PCDH15: variants seen among roughly 807,000 people sequenced by gnomAD.
The protein encoded by PCDH15 is protocadherin-15.
PCDH15 carries 129 observed loss-of-function variants against 178.5 expected under a neutral mutation model. The observed-to-expected ratio is 0.72, with a 90% confidence interval of 0.63 to 0.84. The LOEUF (loss-of-function observed/expected upper bound fraction) is 0.84, where lower values mean the gene tolerates loss of function less well. PCDH15 is among the 40% of genes least tolerant of loss of function. The pLI, the probability that PCDH15 is intolerant of heterozygous loss-of-function variation, is 0.00. For missense variants in PCDH15, 2,230 were observed against 2,099.9 expected, an observed-to-expected ratio of 1.06 and a Z score of -1.21; for synonymous variants, 800 against 732.0, an observed-to-expected ratio of 1.09 and a Z score of -1.50.
At chr10:55,157,133 C>G (rs1838911527) in intron 2 of PCDH15, among the ~76,000 whole-genome samples, 2 of 152,052 alleles carry the variant, frequency 1.3e-5, no homozygotes, top group Non-Finnish European at 2.9e-5. Flanking sequence ...CTATATCTAT[C>G]TATCTATCTA....
intron 3 of PCDH15, among the ~76,000 whole-genome samples, chr10:54,428,980 G>C (rs10825328): frequency 2.0e-5 from 3 of 151,942 alleles, no homozygotes; most frequent in Admixed American, 6.6e-5. Flanking sequence ...AATTATCTGA[G>C]GATACAAACC....
intron 3 of PCDH15, among the ~76,000 whole-genome samples, chr10:54,447,399 C>A (rs2076208548): frequency 6.6e-6 from 1 of 151,770 alleles, no homozygotes. Flanking sequence ...TTCCCCCATG[C>A]CCTAGCTTCT....
At chr10:54,947,917 G>T (rs1237258334) in intron 2 of PCDH15, among the ~76,000 whole-genome samples, 1 of 151,860 alleles carries the variant, frequency 6.6e-6, no homozygotes, top group African/African-American at 2.4e-5. Flanking sequence ...ATGAACATGA[G>T]AAATTCCCAT....
intron 2 of PCDH15, among the ~76,000 whole-genome samples, chr10:55,558,207 T>C (rs1315135436): frequency 6.6e-6 from 1 of 152,140 alleles, no homozygotes; most frequent in Non-Finnish European, 1.5e-5. Context: ...CTGCTTATTA[T>C]ATATTCTGAC....
At chr10:54,141,473 A>G (rs1179881405) in intron 14 of PCDH15, among the ~76,000 whole-genome samples, 1 of 152,202 alleles carries the variant, frequency 6.6e-6, no homozygotes, top group African/African-American at 2.4e-5. Context: ...GTTTATTTCC[A>G]ATGTAATTCA....
chr10:54,440,939 C>G (rs1330092623), intron 3 of PCDH15, among the ~76,000 whole-genome samples: 2 of 151,932 alleles, frequency 1.3e-5, no homozygotes, highest in African/African-American at 2.4e-5. Context: ...TTATTTTAAC[C>G]TTTGATGACT....
intron 1 of PCDH15, among the ~76,000 whole-genome samples, chr10:54,724,474 C>A (rs1302222553): frequency 6.6e-6 from 1 of 151,208 alleles, no homozygotes; most frequent in Non-Finnish European, 1.5e-5. Flanking sequence ...CAGTCCCTAA[C>A]CAATATACAA....
chr10:54,380,715 T>TGCTCCATATATATATGCTCC (rs10686924), intron 3 of PCDH15, among the ~76,000 whole-genome samples: 3 of 54,820 alleles, frequency 5.5e-5, no homozygotes, highest in Non-Finnish European at 8.3e-5. Context: ...CATATATATA[T>TGCTCCATATATATATGCTCC]ATATATATAT....
intron 3 of PCDH15, among the ~76,000 whole-genome samples, chr10:54,466,591 C>G (rs1004178444): frequency 2.6e-5 from 4 of 151,764 alleles, no homozygotes; most frequent in African/African-American, 9.7e-5. Flanking sequence ...CTTGTAATAT[C>G]TTTTGAAGTC....
rs562315596 is a variant in PCDH15 at position 54,951,946 on chromosome 10, C to T, written c.-79-54446G>A. Among the ~76,000 whole-genome samples, 12 of 151,806 alleles carry T rather than the reference C, an allele frequency of 7.9e-5. No homozygotes were observed. The South Asian group carries it at 2.3e-3, about 29-fold the overall frequency. The stretch of plus-strand genomic sequence containing the variant: ...TATTTATATATTTGGAATCCAATAC[C>T]TCTATCAGATAATTATGTTGAAAAT... On this transcript the variant is annotated intron_variant, in intron 2 of 5. Coordinates refer to the PCDH15 transcript ENST00000458638.
At chr10:54,931,824 T>C (rs1837785495) in intron 2 of PCDH15, among the ~76,000 whole-genome samples, 2 of 152,194 alleles carry the variant, frequency 1.3e-5, no homozygotes, top group South Asian at 2.1e-4. Flanking sequence ...TTCATGTCTT[T>C]TGTTTCATTT....
At chr10:54,174,550 G>C (rs2133679214) in intron 13 of PCDH15, among the ~76,000 whole-genome samples, 1 of 151,754 alleles carries the variant, frequency 6.6e-6, no homozygotes, top group South Asian at 2.1e-4. Context: ...AAAACAGGTA[G>C]ATGCATTAAA....
chr10:54,022,811 AC>A, intron 19 of PCDH15, 80 bp downstream of exon 19: 1 of 1,369,584 alleles, frequency 7.3e-7, no homozygotes, highest in Non-Finnish European at 1.0e-6. Flanking sequence ...TTGTATTGTT[AC>A]TTGCTAATTT....
At chr10:55,151,486 A>G (rs1838710920) in intron 2 of PCDH15, among the ~76,000 whole-genome samples, 1 of 152,102 alleles carries the variant, frequency 6.6e-6, no homozygotes, top group Admixed American at 6.6e-5. Flanking sequence ...AAAATACACA[A>G]GAATGTAGAT....
At chr10:55,281,573 T>C (rs1842734555) in intron 1 of PCDH15, among the ~76,000 whole-genome samples, 1 of 152,138 alleles carries the variant, frequency 6.6e-6, no homozygotes, top group Non-Finnish European at 1.5e-5. Context: ...TTTCTGATCA[T>C]TTAACTCTTA....
intron 2 of PCDH15, among the ~76,000 whole-genome samples, chr10:54,908,718 C>T (rs778328359): frequency 9.2e-5 from 14 of 152,172 alleles, no homozygotes; most frequent in South Asian, 6.2e-4. Context: ...TTTCTGTAAA[C>T]GGTGTCCTGG....
At chr10:53,943,406 G>A (rs1456539487) in intron 23 of PCDH15, among the ~76,000 whole-genome samples, 1 of 151,954 alleles carries the variant, frequency 6.6e-6, no homozygotes, top group African/African-American at 2.4e-5. Context: ...AACCTGGGAG[G>A]CGGAGGTTGC....
intron 1 of PCDH15, among the ~76,000 whole-genome samples, chr10:55,289,716 T>C (rs796193300): frequency 1.3e-5 from 2 of 152,244 alleles, no homozygotes; most frequent in Admixed American, 6.6e-5. Flanking sequence ...ATGGTTTGAA[T>C]GTATCCCCCA....
chr10:54,149,768 G>A (rs921461689), intron 14 of PCDH15, among the ~76,000 whole-genome samples: 4 of 152,164 alleles, frequency 2.6e-5, no homozygotes, highest in African/African-American at 9.7e-5. Flanking sequence ...AGAGATTGAA[G>A]AGAGCACAGG....
Sources: allele counts gnomAD v4.1 joint callset (sites outside exome capture counted in the v4.1 genomes callset), GRCh38; gene constraint gnomAD v4.1.1; transcripts MANE v1.5; gene names NCBI Gene and HGNC (gene_info 2026-07-23, HGNC 2026-07-21).